Variants in EYS observed in about 807,000 individuals in gnomAD.
EYS encodes protein eyes shut homolog.
A neutral mutation model predicts 282.1 loss-of-function variants in EYS; 250 were observed. The ratio of observed to expected loss-of-function variants is 0.89; its 90% CI spans 0.80 to 0.98. The LOEUF is 0.98. EYS is among the 50% of genes least tolerant of loss of function. The pLI is 0.00. For missense variants in EYS, 4,016 were observed against 3,709.0 expected, an observed-to-expected ratio of 1.08 and a Z score of -2.15; for synonymous variants, 1,355 against 1,282.9, an observed-to-expected ratio of 1.06 and a Z score of -1.20.
At chr6:64,214,859 T>G (rs1174463309) in intron 31 of EYS, among the ~76,000 whole-genome samples, 1 of 152,050 alleles carries the variant, frequency 6.6e-6, no homozygotes, top group East Asian at 1.9e-4. Flanking sequence ...CCATTTGATA[T>G]GCATATAATA....
In EYS at chr6:63,778,398, G is replaced by A. The variant is rs189499625; in HGVS notation, c.7724-218C>T. 2.6e-5 allele frequency among the ~76,000 whole-genome samples: 4 copies of A among 151,492 alleles called. No homozygotes were observed. In the East Asian group the frequency reaches 5.8e-4, roughly 22 times the overall value. On this transcript the variant is annotated intron_variant, in intron 39 of 42. Transcript: ENST00000503581. ...AGCAGACAACTATTAACATTTTGGT[G>A]TGTGTGTGTGTGTGGTATTTTTTCT...
At chr6:65,638,836 G>T (rs2149812380) in intron 2 of EYS, among the ~76,000 whole-genome samples, 1 of 152,336 alleles carries the variant, frequency 6.6e-6, no homozygotes, top group South Asian at 2.1e-4. Flanking sequence ...GGCAGAACGA[G>T]CCAGTGGGCC....
chr6:64,166,277 C>T (rs778893080), intron 31 of EYS, among the ~76,000 whole-genome samples: 4 of 152,164 alleles, frequency 2.6e-5, no homozygotes, highest in Non-Finnish European at 5.9e-5. Flanking sequence ...TACTTATGTT[C>T]GCTTAACGAG....
At chr6:64,971,460 T>A (rs985778717) in intron 14 of EYS, among the ~76,000 whole-genome samples, 1 of 152,088 alleles carries the variant, frequency 6.6e-6, no homozygotes, top group Admixed American at 6.6e-5. Flanking sequence ...CACACTAAGT[T>A]TGAAGGGAAA....
chr6:64,781,876 C>G (rs1773873828), intron 22 of EYS, among the ~76,000 whole-genome samples: 2 of 152,142 alleles, frequency 1.3e-5, no homozygotes, highest in South Asian at 4.1e-4. Flanking sequence ...AATTGAATTT[C>G]CAACATAACT....
intron 22 of EYS, among the ~76,000 whole-genome samples, chr6:64,740,456 A>G (rs1772332039): frequency 2.0e-5 from 3 of 152,168 alleles, no homozygotes; most frequent in Admixed American, 2.0e-4. Flanking sequence ...AGAGCAAAAT[A>G]GTTTCTGTGT....
chr6:64,081,905 G>A lies in EYS; in HGVS notation c.6522C>T (p.Thr2174=). The change falls in exon 32 of 43, where the codon ACC becomes ACT. Residue 2174 remains threonine (T), a synonymous_variant. Transcript: ENST00000503581. ...VLEKEHNRTV[T]IYLTIKTNSL... is the part of the protein sequence containing the mutation. ...TGTTTGTTTTTATAGTCAAGTAGAT[G>A]GTAACAGTTCTGTTATGTTCCTTCT... 2.6e-6 allele frequency: 4 copies of A among 1,541,054 alleles called. No homozygotes were observed. The highest frequency in any genetic ancestry group is 2.5e-5 in the East Asian group (1 of 40,622).
chr6:64,467,327 A>G (rs1252880830), intron 26 of EYS, among the ~76,000 whole-genome samples: 3 of 152,226 alleles, frequency 2.0e-5, no homozygotes, highest in African/African-American at 7.2e-5. Flanking sequence ...TAATGTCAGT[A>G]GGGCTAGAAA....
intron 9 of EYS, among the ~76,000 whole-genome samples, chr6:65,353,068 C>CT (rs1764347954): frequency 2.0e-5 from 3 of 151,070 alleles, no homozygotes; most frequent in African/African-American, 7.3e-5. Flanking sequence ...GTTTTTTTTT[C>CT]TTTTTTTCTA....
At chr6:65,410,266 T>C (rs1340307935) in intron 5 of EYS, among the ~76,000 whole-genome samples, 1 of 152,042 alleles carries the variant, frequency 6.6e-6, no homozygotes, top group African/African-American at 2.4e-5. Flanking sequence ...TTATTTTAGT[T>C]GACACATTGT....
intron 1 of EYS, among the ~76,000 whole-genome samples, chr6:65,662,180 TAAC>T (rs1319330520): frequency 1.3e-5 from 2 of 152,240 alleles, no homozygotes; most frequent in Middle Eastern, 3.4e-3. Flanking sequence ...CATACATATC[TAAC>T]AACAGAATAA....
At chr6:63,975,128 A>G (rs1766771912) in intron 35 of EYS, among the ~76,000 whole-genome samples, 1 of 151,922 alleles carries the variant, frequency 6.6e-6, no homozygotes, top group Admixed American at 6.6e-5. Flanking sequence ...AAAGATAAAC[A>G]ATAGAAATTG....
intron 11 of EYS, chr6:65,301,008 T>C (rs1582116284): frequency 6.6e-6 from 1 of 152,232 alleles, no homozygotes; most frequent in East Asian, 1.9e-4. Context: ...AACCAATTCT[T>C]TGATTTTCAG....
chr6:63,981,705 TGA>T (rs1412598720), intron 35 of EYS, among the ~76,000 whole-genome samples: 2 of 151,790 alleles, frequency 1.3e-5, no homozygotes, highest in Non-Finnish European at 2.9e-5. Context: ...GAGTTGTGGT[TGA>T]GAGGTTGAGA....
intron 33 of EYS, among the ~76,000 whole-genome samples, chr6:64,060,574 C>T (rs1486277646): frequency 6.6e-6 from 1 of 152,026 alleles, no homozygotes; most frequent in Admixed American, 6.6e-5. Context: ...GAAGTTAATG[C>T]GGATTTTGCA....
At chr6:64,470,341 A>C (rs1776082513) in intron 26 of EYS, among the ~76,000 whole-genome samples, 1 of 152,274 alleles carries the variant, frequency 6.6e-6, no homozygotes, top group South Asian at 2.1e-4. Context: ...CACAGAATAC[A>C]GATAAACAAT....
chr6:64,738,520 A>C (rs1251113552), intron 22 of EYS, among the ~76,000 whole-genome samples: 1 of 152,182 alleles, frequency 6.6e-6, no homozygotes, highest in Non-Finnish European at 1.5e-5. Context: ...ATGGCAGTGA[A>C]AAACAGACTA....
chr6:63,907,166 G>A (rs1345358515), intron 35 of EYS, among the ~76,000 whole-genome samples: 1 of 152,116 alleles, frequency 6.6e-6, no homozygotes, highest in Non-Finnish European at 1.5e-5. Flanking sequence ...TATCTTCCTT[G>A]TTACCTTTTC....
chr6:63,814,561 G>C (rs908528763), intron 36 of EYS, among the ~76,000 whole-genome samples: 6 of 152,230 alleles, frequency 3.9e-5, no homozygotes, highest in African/African-American at 7.2e-5. Context: ...TTTACATTAA[G>C]ATAGAAAAAC....
Sources: allele counts gnomAD v4.1 joint callset (sites outside exome capture counted in the v4.1 genomes callset), GRCh38; gene constraint gnomAD v4.1.1; transcripts MANE v1.5; gene names NCBI Gene and HGNC (gene_info 2026-07-23, HGNC 2026-07-21).